The following ABCA13 variants were observed in gnomAD, a reference collection of about 807,000 sequenced individuals.
The protein encoded by ABCA13 is ATP-binding cassette sub-family A member 13.
In ABCA13, 476 loss-of-function variants were observed where a neutral mutation model predicts 478.7. That is an observed-to-expected ratio of 0.99 (90% CI 0.92 to 1.07). The LOEUF (loss-of-function observed/expected upper bound fraction) is 1.07. ABCA13 is among the 50% of genes least tolerant of loss of function. The pLI, the probability that ABCA13 is intolerant of heterozygous loss-of-function variation, is 0.00. For synonymous variants in ABCA13, 2,252 were observed against 2,158.9 expected, an observed-to-expected ratio of 1.04 and a Z score of -1.20; for missense variants, 6,060 against 5,910.6, an observed-to-expected ratio of 1.03 and a Z score of -0.83.
intron 22 of ABCA13, among the ~76,000 whole-genome samples, chr7:48,297,786 C>CTTT (rs11393352): frequency 1.4e-5 from 2 of 142,000 alleles, no homozygotes; most frequent in Admixed American, 1.4e-4. Context: ...TTCTTTCTTT[C>CTTT]TTTTTTTTTT....
Position 48,352,175 on chromosome 7 carries a change from C to T in ABCA13, c.10382-6C>T. On this transcript the variant is annotated splice_region_variant and splice_polypyrimidine_tract_variant and intron_variant, in intron 30 of 61. Transcript: ENST00000435803. ...TAATGCTTCGTTTTTCCTTTTCTGC[C>T]ACTAGGTATCATTTTCAGCAATTCC... 6.3e-7 allele frequency: 1 copy of T among 1,596,702 alleles called. No individual in the cohort carries two copies. Among genetic ancestry groups the T allele is most frequent in the East Asian group, 2.2e-5 (1 of 44,646 alleles).
intron 29 of ABCA13, among the ~76,000 whole-genome samples, chr7:48,344,814 G>A (rs979655751): frequency 7.9e-5 from 12 of 152,246 alleles, no homozygotes; most frequent in South Asian, 6.2e-4. Flanking sequence ...TGTACTCAAG[G>A]TCTCCAAAGT....
chr7:48,357,404 C>T (rs1323478044), intron 31 of ABCA13, among the ~76,000 whole-genome samples: 9 of 151,910 alleles, frequency 5.9e-5, no homozygotes, highest in African/African-American at 1.9e-4. Context: ...GTCCCACCAA[C>T]GCAGGTAATT....
intron 37 of ABCA13, 43 bp from the exon 38 acceptor site, chr7:48,391,878 T>G: frequency 6.4e-7 from 1 of 1,571,654 alleles, no homozygotes; most frequent in South Asian, 1.1e-5. Flanking sequence ...GTTCACAGTA[T>G]CAGCAACGCG....
At chr7:48,563,626 A>T (rs966794600) in intron 55 of ABCA13, among the ~76,000 whole-genome samples, 1 of 152,116 alleles carries the variant, frequency 6.6e-6, no homozygotes, top group Non-Finnish European at 1.5e-5. Context: ...AGGAAGGGCA[A>T]CTTTCCCCCA....
intron 22 of ABCA13, among the ~76,000 whole-genome samples, chr7:48,297,953 T>G (rs566850078): frequency 1.1e-3 from 166 of 151,060 alleles, no homozygotes; most frequent in African/African-American, 4.0e-3. Context: ...TTTTTTTTTT[T>G]TTTTGTATTT....
At chr7:48,265,739 T>G (rs925900034) in intron 15 of ABCA13, among the ~76,000 whole-genome samples, 4 of 151,682 alleles carry the variant, frequency 2.6e-5, no homozygotes, top group Non-Finnish European at 5.9e-5. Flanking sequence ...TGTTTTTGTA[T>G]GTCTTTTATT....
chr7:48,574,753 A>C (rs1788005517), intron 55 of ABCA13, among the ~76,000 whole-genome samples: 2 of 152,144 alleles, frequency 1.3e-5, no homozygotes, highest in African/African-American at 4.8e-5. Flanking sequence ...CTCATTTTAT[A>C]TGTGTGACTA....
intron 52 of ABCA13, among the ~76,000 whole-genome samples, chr7:48,517,746 T>C (rs2130954255): frequency 6.6e-6 from 1 of 152,336 alleles, no homozygotes; most frequent in South Asian, 2.1e-4. Flanking sequence ...TTTTCTCAGC[T>C]CTGACCACAC....
chr7:48,239,328 G>A lies in ABCA13; in HGVS notation c.985G>A (p.Gly329Arg). The A allele has an allele frequency of 1.2e-6, 2 of 1,613,946 alleles. No homozygotes were observed. Among genetic ancestry groups the A allele is most frequent in the South Asian group, 2.2e-5 (2 of 91,076 alleles). Reference sequence around the variant, plus strand: ...TGAAGCTGAGAAATGGGGCCACGTTGGAGGCTGCCACCCTAAGTGGTCAGA... The same window carrying A: ...TGAAGCTGAGAAATGGGGCCACGTTAGAGGCTGCCACCCTAAGTGGTCAGA... ...EDEAEKWGHVGGCHPKWSEAK... is the reference protein window; with the variant it reads ...EDEAEKWGHVRGCHPKWSEAK... Residue 329 changes from glycine to arginine, a missense_variant, in exon 9 of 62, where the codon GGA (glycine) becomes AGA (arginine). Physicochemically the swap from Gly to Arg is moderately radical, Grantham distance 125. Coordinates refer to ENST00000435803, the MANE Select transcript of ABCA13 (RefSeq NM_152701.5).
At chr7:48,215,243 T>C (rs1189642683) in intron 3 of ABCA13, among the ~76,000 whole-genome samples, 2 of 152,086 alleles carry the variant, frequency 1.3e-5, no homozygotes, top group Non-Finnish European at 2.9e-5. Flanking sequence ...TTCAATATCA[T>C]TGTGTCTCAG....
chr7:48,628,205 TAGA>T (rs1370741989), intron 59 of ABCA13, among the ~76,000 whole-genome samples: 6 of 152,164 alleles, frequency 3.9e-5, no homozygotes, highest in Admixed American at 6.5e-5. Context: ...TAATTATTCA[TAGA>T]AGAAGAAGAA....
intron 55 of ABCA13, among the ~76,000 whole-genome samples, chr7:48,530,305 T>G (rs1366380839): frequency 6.6e-6 from 1 of 151,810 alleles, no homozygotes; most frequent in Admixed American, 6.6e-5. Context: ...TGTTTCATGG[T>G]GTATATATAT....
intron 42 of ABCA13, among the ~76,000 whole-genome samples, chr7:48,439,084 C>A (rs1585324629): frequency 6.6e-6 from 1 of 152,210 alleles, no homozygotes; most frequent in East Asian, 1.9e-4. Context: ...AAATTACCAT[C>A]AACAGAACAG....
rs1798137057 is a variant in ABCA13, at chr7:48,288,949, G to C, written c.8955+871G>C. Among the ~76,000 whole-genome samples the C allele has an allele frequency of 2.0e-5, 3 of 152,276 alleles. No homozygotes were observed. In the South Asian group the frequency reaches 6.2e-4, roughly 32 times the overall value. The stretch of plus-strand genomic sequence containing the variant: ...ATGGTGATGTCCTTCCAACAATGCA[G>C]TGAAGACCTGTCTCTCTTCTAGTTC... On this transcript the variant is annotated intron_variant, in intron 20 of 61. Coordinates refer to ENST00000435803, the MANE Select transcript of ABCA13 (RefSeq NM_152701.5).
At chr7:48,528,137 C>A in intron 54 of ABCA13, 99 bp from the exon 55 acceptor site, 1 of 1,034,770 alleles carries the variant, frequency 9.7e-7, no homozygotes, top group Non-Finnish European at 1.4e-6. Flanking sequence ...TGGCTAAAAG[C>A]AAGTGCTGTT....
At chr7:48,196,062 G>T (rs1202030835) in intron 2 of ABCA13, among the ~76,000 whole-genome samples, 1 of 152,130 alleles carries the variant, frequency 6.6e-6, no homozygotes. Context: ...GGATAACGTG[G>T]TATCAGGACT....
intron 47 of ABCA13, among the ~76,000 whole-genome samples, chr7:48,486,094 C>G (rs575212069): frequency 6.6e-6 from 1 of 152,168 alleles, no homozygotes; most frequent in Non-Finnish European, 1.5e-5. Context: ...AGTTTTCTAA[C>G]TGAGATCCAC....
At chr7:48,245,798 G>A in intron 12 of ABCA13, 65 bp from the exon 13 acceptor site, 2 of 1,502,074 alleles carry the variant, frequency 1.3e-6, no homozygotes, top group African/African-American at 2.8e-5. Flanking sequence ...CAGTTCTTGA[G>A]CCCATGAAGA....
Sources: allele counts gnomAD v4.1 joint callset (sites outside exome capture counted in the v4.1 genomes callset), GRCh38; gene constraint gnomAD v4.1.1; transcripts MANE v1.5; gene names NCBI Gene and HGNC (gene_info 2026-07-23, HGNC 2026-07-21).